The following NBEA variants were observed in gnomAD, a reference collection of about 807,000 sequenced individuals.
NBEA encodes the protein neurobeachin, also known as lysosomal-trafficking regulator 2.
In NBEA, 44 loss-of-function variants were observed where a neutral mutation model predicts 343.4. The ratio of observed to expected loss-of-function variants is 0.13; its 90% CI spans 0.10 to 0.16. The LOEUF (loss-of-function observed/expected upper bound fraction) is 0.16. Ranked by LOEUF, NBEA falls within the 10% of genes least tolerant of loss-of-function variation. The pLI is 1.00. For missense variants in NBEA, 2,555 were observed against 3,631.3 expected, an observed-to-expected ratio of 0.70 and a Z score of 7.62; for synonymous variants, 1,175 against 1,238.7, an observed-to-expected ratio of 0.95 and a Z score of 1.08.
At chr13:34,997,534 G>A (rs1237323202) in intron 1 of NBEA, among the ~76,000 whole-genome samples, 1 of 152,126 alleles carries the variant, frequency 6.6e-6, no homozygotes, top group African/African-American at 2.4e-5. Context: ...TATTTATGCT[G>A]TGTAATGTCA....
intron 36 of NBEA, among the ~76,000 whole-genome samples, chr13:35,326,757 G>A (rs774737792): frequency 4.0e-5 from 6 of 151,842 alleles, no homozygotes; most frequent in Admixed American, 2.0e-4. Flanking sequence ...GTCCTCAAAA[G>A]CAATTACAAC....
chr13:35,352,073 T>C (rs1389080410), intron 37 of NBEA, 84 bp from the exon 38 acceptor site: 9 of 818,094 alleles, frequency 1.1e-5, no homozygotes, highest in African/African-American at 8.9e-5. Context: ...TGAATTCCTG[T>C]TACCGTTTAA....
At chr13:35,534,958 CA>C (rs1004036309) in intron 41 of NBEA, among the ~76,000 whole-genome samples, 1 of 151,970 alleles carries the variant, frequency 6.6e-6, no homozygotes, top group African/African-American at 2.4e-5. Flanking sequence ...AATAGCTTTA[CA>C]AAAAAAGAAT....
chr13:35,663,303 T>C (rs527323047), intron 55 of NBEA, among the ~76,000 whole-genome samples: 8 of 152,312 alleles, frequency 5.3e-5, no homozygotes, highest in Admixed American at 2.0e-4. Context: ...GTAACCACTA[T>C]TCTGTTTATT....
At chr13:35,434,361 T>C (rs2045299352) in intron 39 of NBEA, among the ~76,000 whole-genome samples, 1 of 152,190 alleles carries the variant, frequency 6.6e-6, no homozygotes, top group South Asian at 2.1e-4. Flanking sequence ...AAATACAGTA[T>C]TTATGAATTT....
intron 48 of NBEA, among the ~76,000 whole-genome samples, chr13:35,626,422 T>C (rs1296989038): frequency 6.6e-6 from 1 of 152,218 alleles, no homozygotes; most frequent in Non-Finnish European, 1.5e-5. Context: ...TTTACTCTAA[T>C]AGAGATAATA....
chr13:35,567,592 G>A (rs2080193461), intron 45 of NBEA, among the ~76,000 whole-genome samples: 1 of 152,142 alleles, frequency 6.6e-6, no homozygotes, highest in African/African-American at 2.4e-5. Flanking sequence ...GAAATTCAGT[G>A]AAGAACTGGG....
rs553948804 is a variant in NBEA, at chr13:35,589,699, C to T, written c.7177-3629C>T. On this transcript the variant is annotated intron_variant, in intron 46 of 58. Coordinates refer to ENST00000379939, the MANE Select transcript of NBEA (RefSeq NM_001385012.1). ...ACAGGGAAACGGCATTAGATGCCCA[C>T]GATGGAATTAGTTGATCTGTAATCA... Among the ~76,000 whole-genome samples the T allele has an allele frequency of 8.2e-4, 124 of 152,098 alleles. 3 individuals are homozygous for T. In the South Asian group the frequency reaches 0.025, roughly 30 times the overall value.
chr13:35,659,144 C>CAATG (rs748147086), intron 55 of NBEA, among the ~76,000 whole-genome samples: 6 of 152,200 alleles, frequency 3.9e-5, no homozygotes, highest in Non-Finnish European at 7.3e-5. Context: ...GTGTGTGACA[C>CAATG]AATGCCCTTA....
At chr13:35,418,176 G>A (rs1041543149) in intron 38 of NBEA, among the ~76,000 whole-genome samples, 1 of 151,928 alleles carries the variant, frequency 6.6e-6, no homozygotes, top group Non-Finnish European at 1.5e-5. Context: ...CACACTGATG[G>A]GTCTTGACTG....
intron 38 of NBEA, among the ~76,000 whole-genome samples, chr13:35,387,986 C>G (rs1010457634): frequency 6.6e-6 from 1 of 152,110 alleles, no homozygotes; most frequent in African/African-American, 2.4e-5. Context: ...TCTTTCCCCC[C>G]AGAGTGTGTC....
At chr13:35,537,746 A>G (rs987628017) in intron 41 of NBEA, among the ~76,000 whole-genome samples, 8 of 152,174 alleles carry the variant, frequency 5.3e-5, no homozygotes, top group Non-Finnish European at 7.3e-5. Flanking sequence ...TGGCTCTGTG[A>G]CAGGAAACAA....
chr13:35,545,291 G>GA (rs2079013035), intron 41 of NBEA, among the ~76,000 whole-genome samples: 2 of 152,060 alleles, frequency 1.3e-5, no homozygotes, highest in Non-Finnish European at 2.9e-5. Flanking sequence ...TCACTTGCCT[G>GA]AAGCAGCATC....
At chr13:35,334,477 C>G (rs1425888048) in intron 36 of NBEA, among the ~76,000 whole-genome samples, 1 of 152,132 alleles carries the variant, frequency 6.6e-6, no homozygotes, top group Admixed American at 6.6e-5. Context: ...ACCCTGTTGG[C>G]CAGGCTAGTC....
chr13:35,494,932 C>T (rs555165229), intron 41 of NBEA, among the ~76,000 whole-genome samples: 5 of 151,772 alleles, frequency 3.3e-5, no homozygotes, highest in African/African-American at 1.2e-4. Context: ...ATCACCTGAG[C>T]CCATAGAGAT....
At chr13:35,113,917 G>A (rs1373795940) in intron 13 of NBEA, among the ~76,000 whole-genome samples, 22 of 152,258 alleles carry the variant, frequency 1.4e-4, no homozygotes, top group Admixed American at 1.0e-3. Context: ...TCATTATTTC[G>A]ATGCTCAAGA....
chr13:35,222,862 C>G (rs2074447124), intron 33 of NBEA, among the ~76,000 whole-genome samples: 1 of 152,172 alleles, frequency 6.6e-6, no homozygotes, highest in Non-Finnish European at 1.5e-5. Context: ...GGCATGGTGG[C>G]TCACACCTGT....
chr13:35,245,493 C>T (rs1410746870), intron 34 of NBEA, among the ~76,000 whole-genome samples: 1 of 152,092 alleles, frequency 6.6e-6, no homozygotes, highest in African/African-American at 2.4e-5. Context: ...GTAGAGAATT[C>T]TCTCAGCATT....
At chr13:35,524,441 G>A (rs1321456807) in intron 41 of NBEA, among the ~76,000 whole-genome samples, 1 of 152,116 alleles carries the variant, frequency 6.6e-6, no homozygotes, top group East Asian at 1.9e-4. Flanking sequence ...GTACTTAGTA[G>A]AGTTTTCCAT....
Sources: gnomAD v4.1 joint callset for allele counts (sites outside exome capture counted in the v4.1 genomes callset) on GRCh38, gnomAD v4.1.1 for gene constraint, MANE v1.5 for transcripts, NCBI Gene and HGNC (gene_info 2026-07-23, HGNC 2026-07-21) for gene names.